LRRC4C: variants seen among roughly 807,000 people sequenced by gnomAD.
LRRC4C encodes leucine-rich repeat-containing protein 4C.
LRRC4C carries 5 observed loss-of-function variants against 33.6 expected under a neutral mutation model. The observed-to-expected ratio is 0.15, with a 90% CI of 0.08 to 0.31. The LOEUF (loss-of-function observed/expected upper bound fraction) is 0.31, where lower values mean the gene tolerates loss of function less well. Ranked by LOEUF, LRRC4C falls within the 10% of genes least tolerant of loss-of-function variation. The probability of loss-of-function intolerance (pLI) is 1.00; values close to 1 mark genes in which losing one functional copy is unlikely to be tolerated. For synonymous variants in LRRC4C, 329 were observed against 302.0 expected (o/e 1.09, Z -0.93); for missense variants, 560 against 796.7 (o/e 0.70, Z 3.58).
At chr11:40,694,620 G>A (rs4495883) in intron 2 of LRRC4C, among the ~76,000 whole-genome samples, 92,735 of 151,960 alleles carry the variant, frequency 0.61, 28,402 homozygotes, top group East Asian at 0.66. Flanking sequence ...GCTATACAGA[G>A]ACATTACAGA....
intron 5 of LRRC4C, among the ~76,000 whole-genome samples, chr11:40,176,338 G>A (rs1283288052): frequency 1.3e-5 from 2 of 152,074 alleles, no homozygotes; most frequent in African/African-American, 4.8e-5. Flanking sequence ...TTGAGTGCAG[G>A]GATGATGTGT....
intron 6 of LRRC4C, among the ~76,000 whole-genome samples, chr11:40,129,623 A>T (rs544095140): frequency 5.9e-5 from 9 of 152,170 alleles, no homozygotes; most frequent in Non-Finnish European, 1.5e-5. Context: ...GGATCAGAAC[A>T]CTTTATAACA....
At chr11:40,604,266 TC>T (rs1383324149) in intron 3 of LRRC4C, among the ~76,000 whole-genome samples, 2 of 152,166 alleles carry the variant, frequency 1.3e-5, no homozygotes, top group African/African-American at 4.8e-5. Context: ...AATAAATTCC[TC>T]CTATCTTCTC....
At chr11:41,132,050 C>T (rs1943037938) in intron 1 of LRRC4C, among the ~76,000 whole-genome samples, 1 of 152,100 alleles carries the variant, frequency 6.6e-6, no homozygotes, top group Admixed American at 6.6e-5. Flanking sequence ...TTCTTTTATT[C>T]CTTTACTTTC....
At chr11:40,921,492 C>A (rs1957176978) in intron 2 of LRRC4C, among the ~76,000 whole-genome samples, 1 of 152,062 alleles carries the variant, frequency 6.6e-6, no homozygotes, top group Admixed American at 6.6e-5. Context: ...GGAAATGAAT[C>A]CTCCCTTAGA....
intron 6 of LRRC4C, among the ~76,000 whole-genome samples, chr11:40,125,374 A>G (rs1174787226): frequency 1.3e-5 from 2 of 152,206 alleles, no homozygotes; most frequent in Non-Finnish European, 2.9e-5. Flanking sequence ...AAAAAATGAA[A>G]AAATGGAAAG....
chr11:41,154,992 G>A (rs1447691837), intron 1 of LRRC4C, among the ~76,000 whole-genome samples: 9 of 152,146 alleles, frequency 5.9e-5, no homozygotes, highest in Non-Finnish European at 8.8e-5. Context: ...GGATGATGAC[G>A]TGGGGGTAAG....
At chr11:40,911,850 A>G (rs1204008564) in intron 2 of LRRC4C, among the ~76,000 whole-genome samples, 1 of 152,224 alleles carries the variant, frequency 6.6e-6, no homozygotes, top group Non-Finnish European at 1.5e-5. Flanking sequence ...GAAGTCCTTC[A>G]AGGACCTGAT....
chr11:40,359,940 C>A (rs986306793), intron 3 of LRRC4C, among the ~76,000 whole-genome samples: 1 of 152,102 alleles, frequency 6.6e-6, no homozygotes, highest in Non-Finnish European at 1.5e-5. Flanking sequence ...CTCATCCCTA[C>A]CTAATAGGGC....
chr11:40,494,118 G>T (rs1035128592), intron 3 of LRRC4C, among the ~76,000 whole-genome samples: 5 of 151,992 alleles, frequency 3.3e-5, no homozygotes, highest in Admixed American at 6.6e-5. Flanking sequence ...TACCATCGTG[G>T]GGTTCCACCA....
intron 2 of LRRC4C, among the ~76,000 whole-genome samples, chr11:40,657,108 A>G (rs1020220184): frequency 9.2e-5 from 14 of 152,320 alleles, no homozygotes; most frequent in Admixed American, 9.2e-4. Context: ...ATTTTAAAAG[A>G]TCTGCCGCGA....
intron 1 of LRRC4C, among the ~76,000 whole-genome samples, chr11:41,454,829 A>G (rs1486755249): frequency 6.6e-6 from 1 of 152,198 alleles, no homozygotes; most frequent in Non-Finnish European, 1.5e-5. Context: ...GTATAAAAAT[A>G]TAAATACACT....
chr11:40,901,553 C>T (rs999848367), intron 2 of LRRC4C, among the ~76,000 whole-genome samples: 2 of 152,012 alleles, frequency 1.3e-5, no homozygotes, highest in African/African-American at 4.8e-5. Context: ...TGTACCTCTA[C>T]CAGTTTTTTT....
chr11:40,335,490 T>C (rs1390936609), intron 3 of LRRC4C, among the ~76,000 whole-genome samples: 1 of 152,210 alleles, frequency 6.6e-6, no homozygotes, highest in Non-Finnish European at 1.5e-5. Flanking sequence ...TTAATAAAAC[T>C]GGAATGGATT....
At chr11:40,457,416 G>T (rs1191252572) in intron 3 of LRRC4C, among the ~76,000 whole-genome samples, 1 of 152,068 alleles carries the variant, frequency 6.6e-6, no homozygotes, top group Non-Finnish European at 1.5e-5. Flanking sequence ...ACTAAGTATT[G>T]CTTACTACTA....
At chr11:40,835,549 C>A (rs1952632763) in intron 2 of LRRC4C, among the ~76,000 whole-genome samples, 1 of 152,056 alleles carries the variant, frequency 6.6e-6, no homozygotes, top group Non-Finnish European at 1.5e-5. Context: ...CTAATGACCA[C>A]AAAAATCTGA....
At position 40,556,211 on chromosome 11, in the gene LRRC4C, G is replaced by A. The variant is rs12270120; in HGVS notation, c.-270+91931C>T. On this transcript the variant is annotated intron_variant, in intron 3 of 6. Coordinates refer to ENST00000528697, the MANE Select transcript of LRRC4C (RefSeq NM_001258419.2). ...CCATAGCAAGAAATAATGTTCTTTC[G>A]CATAAGTAGTATATTTTGCCTTTCT... Among the ~76,000 whole-genome samples, 1,034 of 152,206 alleles carry A rather than the reference G, an allele frequency of 6.8e-3. 19 individuals carry two copies. Among genetic ancestry groups the A allele is most frequent in the African/African-American group, 0.024 (986 of 41,534 alleles).
chr11:41,116,480 T>C (rs1326084939), intron 1 of LRRC4C, among the ~76,000 whole-genome samples: 1 of 152,070 alleles, frequency 6.6e-6, no homozygotes, highest in Admixed American at 6.6e-5. Flanking sequence ...GAAAGAGCAA[T>C]TGAAGGTAGT....
chr11:41,130,322 C>T (rs543249092), intron 1 of LRRC4C, among the ~76,000 whole-genome samples: 2 of 151,940 alleles, frequency 1.3e-5, no homozygotes, highest in South Asian at 4.2e-4. Flanking sequence ...TTTTATATTA[C>T]TTGTCTTATT....
Sources: allele counts gnomAD v4.1 joint callset (sites outside exome capture counted in the v4.1 genomes callset), GRCh38; gene constraint gnomAD v4.1.1; transcripts MANE v1.5; gene names NCBI Gene and HGNC (gene_info 2026-07-23, HGNC 2026-07-21).